The following UBL3 variants were observed in gnomAD, a reference collection of about 807,000 sequenced individuals.
UBL3 encodes ubiquitin-like protein 3.
UBL3 carries 6 observed loss-of-function variants against 18.4 expected under a neutral mutation model. The observed-to-expected ratio is 0.33, with a 90% CI of 0.18 to 0.64. The LOEUF (loss-of-function observed/expected upper bound fraction) is 0.64, where lower values mean the gene tolerates loss of function less well. UBL3 is among the 30% of genes least tolerant of loss of function. UBL3 has a pLI of 0.76. For synonymous variants in UBL3, 49 were observed against 46.6 expected (o/e 1.05, Z -0.21); for missense variants, 109 against 142.9 (o/e 0.76, Z 1.21).
rs78664087 is a variant in UBL3 at position 29,847,107 on chromosome 13, T to C, written c.27+2405A>G. Among the ~76,000 whole-genome samples the C allele has an allele frequency of 2.0e-5, 3 of 152,362 alleles. No homozygotes were observed. The East Asian group carries it at 5.8e-4, about 29-fold the overall frequency. ...CTTCTAACCAGTATTTGTCATGTTA[T>C]ATTTCAAAAAGTTGAGAATTCTAGG... On this transcript the variant is annotated intron_variant, in intron 1 of 4. Coordinates refer to ENST00000380680, the MANE Select transcript of UBL3 (RefSeq NM_007106.4).
intron 1 of UBL3, among the ~76,000 whole-genome samples, chr13:29,841,260 ATCTCTCTCTCTC>A (rs10531958): frequency 3.3e-5 from 5 of 149,602 alleles, no homozygotes; most frequent in African/African-American, 9.8e-5. Flanking sequence ...CCAATAGAGA[ATCTCTCTCTCTC>A]TCTCTCTCTC....
Position 29,849,523 on chromosome 13 carries a change from G to A in UBL3, c.16C>T (p.Pro6Ser), listed in dbSNP as rs775731037. 1.2e-6 allele frequency: 2 copies of A among 1,613,890 alleles called. No individual in the cohort carries two copies. Among genetic ancestry groups the A allele is most frequent in the South Asian group, 1.1e-5 (1 of 91,070 alleles). Residue 6 changes from proline to serine, a missense_variant, in exon 1 of 5, where the codon CCG becomes TCG. Coordinates refer to ENST00000380680, the MANE Select transcript of UBL3 (RefSeq NM_007106.4). Reference sequence around the variant, plus strand: ...TATCCGTCACTTACCATATCCGCCGGGACATTACTGGACATCTTGCCGTTT... The same window carrying A: ...TATCCGTCACTTACCATATCCGCCGAGACATTACTGGACATCTTGCCGTTT... The part of the protein sequence containing the change: MSSNV[P>S]ADMINLRLIL...
At chr13:29,810,811 T>G (rs9579486) in intron 1 of UBL3, among the ~76,000 whole-genome samples, 49,456 of 152,020 alleles carry the variant, frequency 0.33, 9,911 homozygotes, top group Non-Finnish European at 0.44. Context: ...TAGGAAGAAG[T>G]AGCTGCGCAC....
At chr13:29,785,286 T>C (rs1877282389) in intron 1 of UBL3, among the ~76,000 whole-genome samples, 1 of 152,294 alleles carries the variant, frequency 6.6e-6, no homozygotes, top group South Asian at 2.1e-4. Context: ...GTGAACAGTG[T>C]TGGGGATTTC....
intron 1 of UBL3, among the ~76,000 whole-genome samples, chr13:29,781,440 A>C (rs1299885503): frequency 6.6e-6 from 1 of 152,186 alleles, no homozygotes; most frequent in East Asian, 1.9e-4. Flanking sequence ...GTACTCAATC[A>C]TTTCAGGATA....
intron 1 of UBL3, among the ~76,000 whole-genome samples, chr13:29,832,696 T>G (rs1293329368): frequency 6.6e-6 from 1 of 152,052 alleles, no homozygotes; most frequent in Admixed American, 6.6e-5. Context: ...TCCTCTGGAG[T>G]CTACGCTTTA....
At chr13:29,849,489 G>T (rs368831026) in intron 1 of UBL3, 23 bp downstream of exon 1, 1 of 1,613,890 alleles carries the variant, frequency 6.2e-7, no homozygotes, top group South Asian at 1.1e-5. Flanking sequence ...TTAAATCAGT[G>T]TCATAACTTA....
At chr13:29,768,249 C>G (rs923906974) in intron 3 of UBL3, among the ~76,000 whole-genome samples, 3 of 152,052 alleles carry the variant, frequency 2.0e-5, no homozygotes, top group African/African-American at 7.2e-5. Context: ...TCAATAATCA[C>G]TGTTTCCTAA....
At chr13:29,819,132 T>C (rs1459329967) in intron 1 of UBL3, among the ~76,000 whole-genome samples, 3 of 152,210 alleles carry the variant, frequency 2.0e-5, no homozygotes, top group South Asian at 2.1e-4. Flanking sequence ...AGCTGAGATA[T>C]GGATACATGG....
chr13:29,793,874 T>G (rs1877542755), intron 1 of UBL3, among the ~76,000 whole-genome samples: 1 of 152,218 alleles, frequency 6.6e-6, no homozygotes, highest in South Asian at 2.1e-4. Flanking sequence ...AGACAGAATC[T>G]TGCTTTGTCG....
intron 1 of UBL3, among the ~76,000 whole-genome samples, chr13:29,836,047 A>C (rs1288656051): frequency 1.3e-5 from 2 of 152,176 alleles, no homozygotes; most frequent in Non-Finnish European, 2.9e-5. Flanking sequence ...TGTGAATCAA[A>C]GTAGAAGGAT....
intron 1 of UBL3, among the ~76,000 whole-genome samples, chr13:29,803,651 G>C (rs1877829126): frequency 6.6e-6 from 1 of 150,882 alleles, no homozygotes; most frequent in African/African-American, 2.4e-5. Context: ...CCTAATTTCA[G>C]ACAAAACAGA....
chr13:29,802,727 G>C (rs1192384561), intron 1 of UBL3, among the ~76,000 whole-genome samples: 2 of 152,158 alleles, frequency 1.3e-5, no homozygotes, highest in African/African-American at 2.4e-5. Flanking sequence ...GGACTGGTTT[G>C]CTGAACTCAG....
At chr13:29,769,272 C>T (rs1460886509) in intron 3 of UBL3, among the ~76,000 whole-genome samples, 5 of 152,010 alleles carry the variant, frequency 3.3e-5, no homozygotes, top group African/African-American at 1.2e-4. Context: ...GAGAGGCTTA[C>T]CATTTGAAGT....
intron 1 of UBL3, among the ~76,000 whole-genome samples, chr13:29,783,494 T>C (rs377073292): frequency 2.0e-5 from 3 of 152,188 alleles, no homozygotes; most frequent in African/African-American, 7.2e-5. Context: ...TGGATTCCCA[T>C]AATTTCCTTT....
chr13:29,817,832 C>T (rs969648632), intron 1 of UBL3, among the ~76,000 whole-genome samples: 42 of 152,146 alleles, frequency 2.8e-4, no homozygotes, highest in African/African-American at 9.7e-4. Context: ...AAATGGCAAC[C>T]AGACATAAAC....
rs558337359 is a variant in UBL3 at position 29,790,555 on chromosome 13, C to G, written c.28-13292G>C. On this transcript the variant is annotated intron_variant, in intron 1 of 4. Transcript: ENST00000380680. ...ATTCCCAAAGTTATGTTTTCTGGAA[C>G]ACCAACCCCCAAGAGGTATTCTGGG... Among the ~76,000 whole-genome samples the G allele has an allele frequency of 2.0e-5, 3 of 152,282 alleles. No individual in the cohort carries two copies. In the South Asian group the frequency reaches 6.2e-4, roughly 32 times the overall value.
intron 1 of UBL3, 195 bp from the exon 2 acceptor site, chr13:29,777,458 GGT>G (rs149234772): frequency 1.7e-3 from 1,145 of 661,998 alleles, no homozygotes; most frequent in East Asian, 2.1e-3. Flanking sequence ...TTATTTAAAG[GGT>G]GTGTGTGTGT....
intron 1 of UBL3, among the ~76,000 whole-genome samples, chr13:29,826,516 T>G (rs1197117436): frequency 6.6e-6 from 1 of 152,240 alleles, no homozygotes; most frequent in Non-Finnish European, 1.5e-5. Flanking sequence ...TGATGGTAGT[T>G]TGTATTTCTG....
Sources: allele counts gnomAD v4.1 joint callset (sites outside exome capture counted in the v4.1 genomes callset), GRCh38; gene constraint gnomAD v4.1.1; transcripts MANE v1.5; gene names NCBI Gene and HGNC (gene_info 2026-07-23, HGNC 2026-07-21).